The following RBFOX1 variants were observed in gnomAD, a reference collection of about 807,000 sequenced individuals.
RBFOX1 encodes RNA binding protein fox-1 homolog 1.
RBFOX1 carries 8 observed loss-of-function variants against 57.7 expected under a neutral mutation model. The observed-to-expected ratio is 0.14, with a 90% CI of 0.08 to 0.25. The LOEUF (loss-of-function observed/expected upper bound fraction) is 0.25, where lower values mean the gene tolerates loss of function less well. RBFOX1 is among the 10% of genes least tolerant of loss of function. The pLI, the probability that RBFOX1 is intolerant of heterozygous loss-of-function variation, is 1.00. For synonymous variants in RBFOX1, 326 were observed against 222.4 expected, an observed-to-expected ratio of 1.47 and a Z score of -4.15; for missense variants, 611 against 548.5, an observed-to-expected ratio of 1.11 and a Z score of -1.14.
At chr16:7,709,358 C>T in intron 15 of RBFOX1, 1 of 1,059,200 alleles carries the variant, frequency 9.4e-7, no homozygotes, top group South Asian at 1.9e-5. Context: ...TTTTGCAAGT[C>T]TCACCTAGCA....
intron 4 of RBFOX1, among the ~76,000 whole-genome samples, chr16:7,349,349 A>T (rs965453053): frequency 6.6e-6 from 1 of 152,102 alleles, no homozygotes; most frequent in Non-Finnish European, 1.5e-5. Context: ...TTTTCAATTT[A>T]AGTGACTTCG....
intron 3 of RBFOX1, among the ~76,000 whole-genome samples, chr16:5,662,454 T>A (rs1469062738): frequency 2.0e-5 from 3 of 152,148 alleles, no homozygotes; most frequent in Admixed American, 6.6e-5. Context: ...AACTCCCCCA[T>A]ACACTCATAA....
intron 4 of RBFOX1, among the ~76,000 whole-genome samples, chr16:7,100,957 A>C (rs963007702): frequency 1.2e-4 from 19 of 152,226 alleles, no homozygotes; most frequent in Admixed American, 2.0e-4. Context: ...TGTACTTTAT[A>C]GCCTCATCAA....
chr16:7,344,824 G>T (rs1266307828), intron 4 of RBFOX1, among the ~76,000 whole-genome samples: 1 of 152,222 alleles, frequency 6.6e-6, no homozygotes, highest in African/African-American at 2.4e-5. Flanking sequence ...CAAAGCTTTG[G>T]TGTCTGTCGT....
chr16:6,878,334 T>G (rs749614933), intron 3 of RBFOX1, among the ~76,000 whole-genome samples: 13 of 152,160 alleles, frequency 8.5e-5, no homozygotes, highest in Non-Finnish European at 1.6e-4. Context: ...CTGGAACATT[T>G]TATTGCTGAT....
At chr16:7,693,406 T>A in intron 14 of RBFOX1, 1 of 1,428,788 alleles carries the variant, frequency 7.0e-7, no homozygotes, top group Non-Finnish European at 9.7e-7. Context: ...TCCATCCAAG[T>A]CTCAGTATCC....
chr16:5,494,003 G>A (rs918818479), intron 2 of RBFOX1, among the ~76,000 whole-genome samples: 1 of 152,226 alleles, frequency 6.6e-6, no homozygotes, highest in Non-Finnish European at 1.5e-5. Flanking sequence ...CAGCCTTCTT[G>A]TGGGGCTTTG....
chr16:6,901,708 A>T (rs1482396307), intron 3 of RBFOX1, among the ~76,000 whole-genome samples: 1 of 152,224 alleles, frequency 6.6e-6, no homozygotes, highest in Non-Finnish European at 1.5e-5. Context: ...AATTTGTTAC[A>T]TGGAAGCTCA....
chr16:6,066,293 C>CAAAAAAAAAAAAAAAAAAAAAAAA (rs372412356), intron 1 of RBFOX1, among the ~76,000 whole-genome samples: 2 of 50,400 alleles, frequency 4.0e-5, no homozygotes, highest in Non-Finnish European at 5.8e-5. Flanking sequence ...GACTCTGTCT[C>CAAAAAAAAAAAAAAAAAAAAAAAA]AAAAAAAAAA....
Position 5,339,470 on chromosome 16 carries a change from GTTTTTTTTTTTTTT to G in RBFOX1, c.219+99382_219+99395del, listed in dbSNP as rs560472298. ...AAAAGCTAGAAGCTGCTTTTTCCGT[GTTTTTTTTTTTTTT>G]TTTTTTTTTTTTTTTTGAGATGGAG... is the stretch of plus-strand genomic sequence containing the variant. On this transcript the variant is annotated intron_variant, in intron 1 of 2. Transcript: ENST00000585867. Among the ~76,000 whole-genome samples, 86 of 40,890 alleles carry G rather than the reference GTTTTTTTTTTTTTT, an allele frequency of 2.1e-3. 2 individuals carry two copies. Among genetic ancestry groups the G allele is most frequent in the East Asian group, 5.1e-3 (6 of 1,184 alleles). 26.8% of individuals were successfully genotyped at this position (40,890 alleles called of 152,430 possible).
chr16:5,438,025 G>C (rs2067969783), intron 1 of RBFOX1, among the ~76,000 whole-genome samples: 1 of 152,188 alleles, frequency 6.6e-6, no homozygotes, highest in South Asian at 2.1e-4. Context: ...AAAGGGTTCA[G>C]ATGAAAAATA....
At chr16:5,694,760 C>T (rs1245531852) in intron 3 of RBFOX1, among the ~76,000 whole-genome samples, 1 of 151,632 alleles carries the variant, frequency 6.6e-6, no homozygotes, top group South Asian at 2.1e-4. Flanking sequence ...CCATTCTGCT[C>T]TTCTGCTTGA....
intron 3 of RBFOX1, among the ~76,000 whole-genome samples, chr16:6,898,874 C>T (rs532342223): frequency 9.8e-5 from 14 of 142,504 alleles, no homozygotes; most frequent in Admixed American, 2.1e-4. Context: ...CACACATGTA[C>T]ACGTGTATAA....
At chr16:6,849,914 C>T (rs1046321526) in intron 3 of RBFOX1, among the ~76,000 whole-genome samples, 8 of 152,238 alleles carry the variant, frequency 5.3e-5, no homozygotes, top group East Asian at 1.9e-4. Context: ...GTATATCTCC[C>T]AGTTGACTAG....
At chr16:7,485,605 A>AT (rs2065168667) in intron 4 of RBFOX1, among the ~76,000 whole-genome samples, 1 of 152,352 alleles carries the variant, frequency 6.6e-6, no homozygotes, top group East Asian at 1.9e-4. Flanking sequence ...GCAAGAGCCC[A>AT]TACCTCAAGA....
chr16:7,466,170 A>C (rs2060482352), intron 4 of RBFOX1, among the ~76,000 whole-genome samples: 1 of 152,226 alleles, frequency 6.6e-6, no homozygotes. Flanking sequence ...TTCAACTGCC[A>C]AAAAGCTAGC....
chr16:6,853,594 C>T lies in RBFOX1; in HGVS notation c.-15-198463C>T, dbSNP rs116937016. ...AGGTTAGCAAACGGATTCCTACCTC[C>T]TTGTACTGTATGAAGCAGTTTGATG... is the stretch of plus-strand genomic sequence containing the variant. On this transcript the variant is annotated intron_variant, in intron 3 of 15. Transcript: ENST00000550418. Among the ~76,000 whole-genome samples, 100 of 152,174 alleles carry T rather than the reference C, an allele frequency of 6.6e-4. No individual in the cohort carries two copies. The East Asian group carries it at 0.017, about 27-fold the overall frequency.
intron 3 of RBFOX1, among the ~76,000 whole-genome samples, chr16:7,001,446 A>G (rs1386136852): frequency 6.6e-6 from 1 of 151,880 alleles, no homozygotes; most frequent in East Asian, 1.9e-4. Context: ...GTATATGTAT[A>G]TGTATATGTA....
At chr16:6,052,174 G>A (rs2095558866) in intron 1 of RBFOX1, among the ~76,000 whole-genome samples, 1 of 152,076 alleles carries the variant, frequency 6.6e-6, no homozygotes, top group African/African-American at 2.4e-5. Context: ...CCGGTTCTTG[G>A]TGTCCCTCCG....
Sources: gnomAD v4.1 joint callset for allele counts (sites outside exome capture counted in the v4.1 genomes callset) on GRCh38, gnomAD v4.1.1 for gene constraint, MANE v1.5 for transcripts, NCBI Gene and HGNC (gene_info 2026-07-23, HGNC 2026-07-21) for gene names.